The following ADGRL3 variants were observed in gnomAD, a reference collection of about 807,000 sequenced individuals.
The protein encoded by ADGRL3 is calcium-independent alpha-latrotoxin receptor 3.
A neutral mutation model predicts 153.5 loss-of-function variants in ADGRL3; 62 were observed. That is an observed-to-expected ratio of 0.40 (90% CI 0.33 to 0.50). ADGRL3 has a LOEUF of 0.50. ADGRL3 is among the 20% of genes least tolerant of loss of function. ADGRL3 has a pLI of 0.47. For missense variants in ADGRL3, 1,641 were observed against 1,859.4 expected, an observed-to-expected ratio of 0.88 and a Z score of 2.16; for synonymous variants, 710 against 672.5, an observed-to-expected ratio of 1.06 and a Z score of -0.86.
intron 2 of ADGRL3, among the ~76,000 whole-genome samples, chr4:61,399,830 T>A (rs1356889645): frequency 6.6e-6 from 1 of 151,750 alleles, no homozygotes; most frequent in Non-Finnish European, 1.5e-5. Context: ...TGAGAAGGAA[T>A]GTCATTTGTA....
intron 9 of ADGRL3, among the ~76,000 whole-genome samples, chr4:61,825,043 C>T (rs2097788432): frequency 6.6e-6 from 1 of 152,150 alleles, no homozygotes; most frequent in Admixed American, 6.5e-5. Flanking sequence ...ACTTGGCTCT[C>T]TCAATGCCAA....
intron 17 of ADGRL3, among the ~76,000 whole-genome samples, chr4:61,975,713 G>A (rs986934473): frequency 6.6e-6 from 1 of 152,160 alleles, no homozygotes; most frequent in Non-Finnish European, 1.5e-5. Flanking sequence ...AGTTGGTGCA[G>A]TTGAGATGAT....
At chr4:61,976,713 G>T (rs2099049367) in intron 17 of ADGRL3, among the ~76,000 whole-genome samples, 1 of 152,076 alleles carries the variant, frequency 6.6e-6, no homozygotes, top group East Asian at 1.9e-4. Flanking sequence ...ATTCTCTCTT[G>T]CCTGCTGCCT....
In ADGRL3 at chr4:61,757,025, A is replaced by C. The variant is rs1335203830; in HGVS notation, c.1399+23471A>C. Among the ~76,000 whole-genome samples, 5 of 152,154 alleles carry C rather than the reference A, an allele frequency of 3.3e-5. No homozygotes were observed. The South Asian group carries it at 1.0e-3, about 32-fold the overall frequency. ...TGTGCTGCTGGATTCGGTTTGCCAGAATTTTATTGAGGATTTTTGCGTCGA... is the reference window on the plus strand; with the variant it reads ...TGTGCTGCTGGATTCGGTTTGCCAGCATTTTATTGAGGATTTTTGCGTCGA... On this transcript the variant is annotated intron_variant, in intron 8 of 26. Transcript: ENST00000683033.
intron 3 of ADGRL3, among the ~76,000 whole-genome samples, chr4:61,499,519 C>A (rs539925539): frequency 6.6e-6 from 1 of 152,024 alleles, no homozygotes; most frequent in Admixed American, 6.5e-5. Context: ...AAAATTCCTC[C>A]CTTATAATGT....
chr4:61,516,500 A>G (rs1016318259), intron 3 of ADGRL3, among the ~76,000 whole-genome samples: 4 of 151,832 alleles, frequency 2.6e-5, no homozygotes, highest in African/African-American at 7.2e-5. Context: ...CTCATGTATC[A>G]ATTTATCAAA....
intron 8 of ADGRL3, among the ~76,000 whole-genome samples, chr4:61,805,361 A>G (rs2097542976): frequency 6.6e-6 from 1 of 152,164 alleles, no homozygotes; most frequent in African/African-American, 2.4e-5. Flanking sequence ...TTAGCCTGCC[A>G]AGATAGGATT....
intron 17 of ADGRL3, among the ~76,000 whole-genome samples, chr4:61,970,803 C>A (rs1005513039): frequency 6.6e-6 from 1 of 152,130 alleles, no homozygotes; most frequent in Non-Finnish European, 1.5e-5. Flanking sequence ...ATGACAGGTT[C>A]TGCAAAGGAA....
At chr4:61,351,196 A>G (rs996570302) in intron 1 of ADGRL3, among the ~76,000 whole-genome samples, 2 of 152,228 alleles carry the variant, frequency 1.3e-5, no homozygotes, top group Admixed American at 1.3e-4. Context: ...CCCTTAAGCC[A>G]AAGCCTAATC....
chr4:61,376,320 CACTTGTCATGTGTAATT>C (rs765057198), intron 1 of ADGRL3, among the ~76,000 whole-genome samples: 3 of 94,524 alleles, frequency 3.2e-5, no homozygotes, highest in Non-Finnish European at 7.9e-5. Flanking sequence ...ATGCAAATAC[CACTTGTCATGTGTAATT>C]ATAGTCATAA....
At position 61,201,539 on chromosome 4, in the gene ADGRL3, A is replaced by G. The variant is rs896393820; in HGVS notation, c.-466A>G. On this transcript the variant is annotated 5_prime_UTR_variant, in exon 1 of 27. Coordinates refer to ENST00000683033, the MANE Select transcript of ADGRL3 (RefSeq NM_001387552.1). ...TCTCCGTGGCTGTGTAGCGGAAGAA[A>G]GGGAAGAGAGACTTTTTGTTGTTGT... 6.6e-6 allele frequency: 1 copy of G among 152,174 alleles called. No homozygotes were observed. Among genetic ancestry groups the G allele is most frequent in the Non-Finnish European group, 1.5e-5 (1 of 68,058 alleles). 9.4% of individuals were successfully genotyped at this position (152,174 alleles called of 1,614,324 possible).
intron 1 of ADGRL3, among the ~76,000 whole-genome samples, chr4:61,368,706 A>G (rs539737619): frequency 5.3e-4 from 80 of 152,254 alleles, no homozygotes; most frequent in Non-Finnish European, 9.1e-4. Context: ...TGACTTGGCA[A>G]TGCGGGCTCT....
In ADGRL3 at chr4:61,674,966, T is replaced by C. The variant is rs532713068; in HGVS notation, c.474-1860T>C. Among the ~76,000 whole-genome samples, 8 of 152,094 alleles carry C rather than the reference T, an allele frequency of 5.3e-5. No individual in the cohort carries two copies. The South Asian group carries it at 1.2e-3, about 24-fold the overall frequency. On this transcript the variant is annotated intron_variant, in intron 5 of 26. Coordinates refer to ENST00000683033, the MANE Select transcript of ADGRL3 (RefSeq NM_001387552.1). ...TTTGTCTGATCATCAGCCTCTAACA[T>C]AGAAAATCCTTACAACTTGTTAACC...
chr4:61,659,209 A>G (rs890388964), intron 5 of ADGRL3, among the ~76,000 whole-genome samples: 1 of 152,184 alleles, frequency 6.6e-6, no homozygotes, highest in African/African-American at 2.4e-5. Context: ...GTATGACCTC[A>G]TCTTAATTAC....
intron 10 of ADGRL3, among the ~76,000 whole-genome samples, chr4:61,894,834 C>G (rs937102290): frequency 6.6e-6 from 1 of 152,136 alleles, no homozygotes; most frequent in Admixed American, 6.5e-5. Context: ...CCAGAGATAT[C>G]ATTCCAAAAC....
intron 2 of ADGRL3, among the ~76,000 whole-genome samples, chr4:61,456,554 T>C (rs1283012050): frequency 6.7e-6 from 1 of 148,758 alleles, no homozygotes; most frequent in Non-Finnish European, 1.5e-5. Context: ...GTGACTTACT[T>C]ATTTAACCAG....
intron 6 of ADGRL3, among the ~76,000 whole-genome samples, chr4:61,724,878 T>G (rs549962001): frequency 2.7e-4 from 41 of 152,312 alleles, no homozygotes; most frequent in Middle Eastern, 6.8e-3. Context: ...ACATGAGTTA[T>G]TCAGCACAGG....
chr4:61,589,053 T>A (rs1374589936), intron 5 of ADGRL3, among the ~76,000 whole-genome samples: 1 of 152,078 alleles, frequency 6.6e-6, no homozygotes, highest in African/African-American at 2.4e-5. Flanking sequence ...AAGCCTTTAA[T>A]CTTATAAGTA....
At chr4:61,714,501 C>CTAA (rs1196626859) in intron 6 of ADGRL3, among the ~76,000 whole-genome samples, 3 of 152,142 alleles carry the variant, frequency 2.0e-5, no homozygotes, top group Non-Finnish European at 2.9e-5. Flanking sequence ...CCTCAGCTAC[C>CTAA]TAATTCCCAT....
Sources: allele counts gnomAD v4.1 joint callset (sites outside exome capture counted in the v4.1 genomes callset), GRCh38; gene constraint gnomAD v4.1.1; transcripts MANE v1.5; gene names NCBI Gene and HGNC (gene_info 2026-07-23, HGNC 2026-07-21).